Variants in ANKH observed in about 807,000 individuals in gnomAD.
The protein encoded by ANKH is ANKH inorganic pyrophosphate transport regulator, also known as mineralization regulator ANKH.
A neutral mutation model predicts 49.0 loss-of-function variants in ANKH; 15 were observed. The observed-to-expected ratio is 0.31, with a 90% confidence interval of 0.20 to 0.47. The LOEUF (loss-of-function observed/expected upper bound fraction) is 0.47. Among genes scored for constraint, ANKH ranks in the 20% least tolerant of loss-of-function variants. The pLI is 1.00. For synonymous variants in ANKH, 273 were observed against 260.0 expected (o/e 1.05, Z -0.48); for missense variants, 429 against 652.0 (o/e 0.66, Z 3.72).
At chr5:14,784,096 T>C (rs75761291) in intron 1 of ANKH, among the ~76,000 whole-genome samples, 1,693 of 152,358 alleles carry the variant, frequency 0.011, 16 homozygotes, top group Middle Eastern at 0.024. Flanking sequence ...CCAAGAAACA[T>C]TTACAGAACC....
intron 1 of ANKH, among the ~76,000 whole-genome samples, chr5:14,810,434 C>T (rs144048519): frequency 0.011 from 1,749 of 152,236 alleles, 34 homozygotes; most frequent in African/African-American, 0.04. Context: ...GCTGGGATTA[C>T]AGGAGTGAGC....
chr5:14,792,972 C>T (rs2126546637), intron 1 of ANKH, among the ~76,000 whole-genome samples: 1 of 47,194 alleles, frequency 2.1e-5, no homozygotes, highest in South Asian at 1.1e-3. Flanking sequence ...AGAGAAACTC[C>T]ATCATATATA....
chr5:14,760,912 GGCAT>G (rs1032225530), intron 2 of ANKH, among the ~76,000 whole-genome samples: 39 of 152,162 alleles, frequency 2.6e-4, no homozygotes, highest in Admixed American at 2.0e-3. Context: ...CCTAACCCCT[GGCAT>G]CTCAGGATGT....
intron 2 of ANKH, among the ~76,000 whole-genome samples, chr5:14,759,070 T>A (rs780647827): frequency 6.6e-5 from 10 of 152,256 alleles, no homozygotes; most frequent in Admixed American, 1.3e-4. Flanking sequence ...TTACACATAT[T>A]CTTAACTATG....
At position 14,770,052 on chromosome 5, in the gene ANKH, T is replaced by C. The variant is rs1290431212; in HGVS notation, c.97-861A>G. On this transcript the variant is annotated intron_variant, in intron 1 of 11. Transcript: ENST00000284268. This position sits in a 1 kb window ranked among gnomAD's most constrained non-coding sequence, Gnocchi z 4.1. ...GGATGTCCAGGTAGAGAGAGCTTTC[T>C]GACTAAAATGCCTCTAGAACATTGC... Among the ~76,000 whole-genome samples, 24 of 152,308 alleles carry C rather than the reference T, an allele frequency of 1.6e-4. No homozygotes were observed. Among genetic ancestry groups the C allele is most frequent in the Admixed American group, 1.6e-3 (24 of 15,296 alleles).
chr5:14,769,275 G>A, intron 1 of ANKH, 84 bp from the exon 2 acceptor site: 2 of 1,177,076 alleles, frequency 1.7e-6, no homozygotes, highest in Admixed American at 2.0e-5. Context: ...AAATTCAGCA[G>A]ATCACGTTTC....
At chr5:14,711,451 C>A in intron 11 of ANKH, 141 bp from the exon 12 acceptor site, 1 of 707,494 alleles carries the variant, frequency 1.4e-6, no homozygotes, top group Admixed American at 2.1e-5. Flanking sequence ...GTGGCGTCAC[C>A]TCTTTTGCAT....
At chr5:14,715,812 T>G (rs1230006403) in intron 9 of ANKH, among the ~76,000 whole-genome samples, 3 of 152,230 alleles carry the variant, frequency 2.0e-5, no homozygotes, top group African/African-American at 7.2e-5. Flanking sequence ...CTCATTCTTG[T>G]GTATAGTACA....
At chr5:14,772,082 T>C (rs1455895460) in intron 1 of ANKH, among the ~76,000 whole-genome samples, 1 of 151,910 alleles carries the variant, frequency 6.6e-6, no homozygotes, top group African/African-American at 2.4e-5. Context: ...AAGGAGGTAT[T>C]TCATGTTACA....
At chr5:14,712,114 G>A (rs549066150) in intron 11 of ANKH, among the ~76,000 whole-genome samples, 1 of 152,304 alleles carries the variant, frequency 6.6e-6, no homozygotes, top group East Asian at 1.9e-4. Flanking sequence ...AGCCCCAGCT[G>A]TGCTGAGGTT....
At chr5:14,796,856 C>T (rs1178283307) in intron 1 of ANKH, among the ~76,000 whole-genome samples, 1 of 152,180 alleles carries the variant, frequency 6.6e-6, no homozygotes, top group Non-Finnish European at 1.5e-5. Flanking sequence ...AATAATCACA[C>T]ATAATATTCC....
At chr5:14,736,825 T>C (rs1471290336) in intron 8 of ANKH, among the ~76,000 whole-genome samples, 1 of 152,188 alleles carries the variant, frequency 6.6e-6, no homozygotes, top group African/African-American at 2.4e-5. Context: ...TCTGGAGAGA[T>C]CCCATTTCCA....
intron 1 of ANKH, among the ~76,000 whole-genome samples, chr5:14,811,974 G>A (rs948996951): frequency 6.6e-6 from 1 of 152,106 alleles, no homozygotes; most frequent in African/African-American, 2.4e-5. Flanking sequence ...AAGTCTGAAT[G>A]TAGAAAATAA....
chr5:14,792,401 C>T (rs190319323), intron 1 of ANKH, among the ~76,000 whole-genome samples: 1 of 152,078 alleles, frequency 6.6e-6, no homozygotes, highest in Non-Finnish European at 1.5e-5. Flanking sequence ...GGTCTGGGAC[C>T]CAGACTGGTG....
In ANKH at chr5:14,805,155, C is replaced by T. The variant is rs550459518; in HGVS notation, c.97-35964G>A. Among the ~76,000 whole-genome samples the T allele has an allele frequency of 9.2e-5, 14 of 151,988 alleles. No individual in the cohort carries two copies. In the South Asian group the frequency reaches 2.1e-3, roughly 23 times the overall value. On this transcript the variant is annotated intron_variant, in intron 1 of 11. Transcript: ENST00000284268. ...TGGGCACAATCTAATCAGCTGCCAG[C>T]GAATATAAAGCAGGCAGAAAAATAT...
intron 7 of ANKH, among the ~76,000 whole-genome samples, chr5:14,743,907 T>A (rs950064813): frequency 6.6e-6 from 1 of 152,222 alleles, no homozygotes; most frequent in East Asian, 1.9e-4. Context: ...TATTGTTAAA[T>A]TTTATGATTT....
At chr5:14,752,640 A>G (rs1450017214) in intron 4 of ANKH, among the ~76,000 whole-genome samples, 1 of 152,164 alleles carries the variant, frequency 6.6e-6, no homozygotes, top group Non-Finnish European at 1.5e-5. Context: ...ATCAACCTTA[A>G]TGGCCAAATA....
intron 1 of ANKH, among the ~76,000 whole-genome samples, chr5:14,866,051 G>A (rs547404219): frequency 6.6e-6 from 1 of 152,288 alleles, no homozygotes; most frequent in South Asian, 2.1e-4. Context: ...TATCTGAAAG[G>A]TATTGAGGTA....
intron 1 of ANKH, among the ~76,000 whole-genome samples, chr5:14,812,275 A>G (rs575425462): frequency 6.6e-6 from 1 of 152,140 alleles, no homozygotes; most frequent in Admixed American, 6.5e-5. Context: ...AAGTAAATTG[A>G]GTAGTCAAGT....
Sources: gnomAD v4.1 joint callset for allele counts (sites outside exome capture counted in the v4.1 genomes callset) on GRCh38, gnomAD v4.1.1 for gene constraint, Gnocchi (gnomAD v3.1) non-coding constraint, MANE v1.5 for transcripts, NCBI Gene and HGNC (gene_info 2026-07-23, HGNC 2026-07-21) for gene names.